DPH6: variants seen among roughly 807,000 people sequenced by gnomAD.
DPH6 encodes the protein diphthine--ammonia ligase.
In DPH6, 33 loss-of-function variants were observed where a neutral mutation model predicts 38.2. That is an observed-to-expected ratio of 0.86 (90% CI 0.65 to 1.15). The LOEUF is 1.15. Ranked by LOEUF, DPH6 falls within the 50% of genes most tolerant of loss-of-function variation. The pLI is 0.00. For missense variants in DPH6, 325 were observed against 320.0 expected (o/e 1.02, Z -0.12); for synonymous variants, 108 against 103.0 (o/e 1.05, Z -0.30).
At chr15:35,434,612 A>G (rs1444641742) in intron 5 of DPH6, among the ~76,000 whole-genome samples, 1 of 152,206 alleles carries the variant, frequency 6.6e-6, no homozygotes, top group Non-Finnish European at 1.5e-5. Context: ...ACACACACAT[A>G]GAAAAGTGAA....
At chr15:35,368,796 C>T (rs139529497), downstream of DPH6, among the ~76,000 whole-genome samples, 119 of 151,710 alleles carry the variant, frequency 7.8e-4, no homozygotes, top group African/African-American at 2.6e-3. Context: ...AAGTTTTGTA[C>T]ATAATGAGAA....
chr15:35,478,400 CACACAAAG>C (rs2054287885), intron 3 of DPH6, among the ~76,000 whole-genome samples: 1 of 147,412 alleles, frequency 6.8e-6, no homozygotes, highest in Admixed American at 6.8e-5. Context: ...CACACACACA[CACACAAAG>C]ATTGTAAAAA....
chr15:35,361,566 T>C lies in DPH6; in HGVS notation n.207+11955A>G, dbSNP rs554880217. 6.6e-5 allele frequency among the ~76,000 whole-genome samples: 10 copies of C among 152,040 alleles called. No homozygotes were observed. In the South Asian group the frequency reaches 1.9e-3, roughly 28 times the overall value. On this transcript the variant is annotated intron_variant and non_coding_transcript_variant, in intron 3 of 3. Transcript: ENST00000558973. ...TGTACTCTCATACTGTATAGATTGG[T>C]CTGCTTGATCATGTCCCATAAGTTC... is the stretch of plus-strand genomic sequence containing the variant.
intron 6 of DPH6, among the ~76,000 whole-genome samples, chr15:35,387,977 GT>G (rs1295034992): frequency 6.6e-6 from 1 of 151,980 alleles, no homozygotes; most frequent in Non-Finnish European, 1.5e-5. Context: ...TTGGCTGTGG[GT>G]TTGTCATAGA....
chr15:35,223,287 C>T (rs572019647), intron 3 of DPH6, among the ~76,000 whole-genome samples: 3 of 152,262 alleles, frequency 2.0e-5, no homozygotes, highest in South Asian at 4.2e-4. Context: ...AATCTACTCT[C>T]CTGATAGTGA....
At chr15:35,519,856 T>A (rs1010707246) in intron 3 of DPH6, 1 of 151,964 alleles carries the variant, frequency 6.6e-6, no homozygotes, top group South Asian at 2.1e-4. Flanking sequence ...GGGAAAGAAC[T>A]AAAATGTATG....
chr15:35,372,775 G>C (rs1246657861), intron 8 of DPH6, among the ~76,000 whole-genome samples: 1 of 151,800 alleles, frequency 6.6e-6, no homozygotes, highest in African/African-American at 2.4e-5. Flanking sequence ...TACTCCTTCA[G>C]ATTTCCTATG....
intron 3 of DPH6, among the ~76,000 whole-genome samples, chr15:35,462,166 C>A (rs990894291): frequency 6.6e-6 from 1 of 152,150 alleles, no homozygotes; most frequent in African/African-American, 2.4e-5. Context: ...ATCACCTCCA[C>A]TACTACCACT....
At chr15:35,418,989 C>G (rs1424661747) in intron 5 of DPH6, among the ~76,000 whole-genome samples, 2 of 151,796 alleles carry the variant, frequency 1.3e-5, no homozygotes, top group African/African-American at 4.8e-5. Context: ...AATTTCTAGT[C>G]TGTCTATAAT....
At chr15:35,536,598 T>C (rs2055173456) in intron 3 of DPH6, among the ~76,000 whole-genome samples, 1 of 152,058 alleles carries the variant, frequency 6.6e-6, no homozygotes, top group African/African-American at 2.4e-5. Context: ...AATTGTAATT[T>C]ATTATCTCTC....
intron 7 of DPH6, among the ~76,000 whole-genome samples, chr15:35,374,997 T>TA (rs2052761876): frequency 6.6e-6 from 1 of 152,110 alleles, no homozygotes; most frequent in Non-Finnish European, 1.5e-5. Context: ...ATCTTACTCT[T>TA]ACATTAAATG....
chr15:35,519,527 A>C (rs1459603145), intron 3 of DPH6: 2 of 152,032 alleles, frequency 1.3e-5, no homozygotes, highest in African/African-American at 4.8e-5. Context: ...AAGAAGAAGC[A>C]GCCAATAATT....
chr15:35,457,491 T>G (rs1441994661), intron 3 of DPH6, among the ~76,000 whole-genome samples: 1 of 151,868 alleles, frequency 6.6e-6, no homozygotes, highest in Non-Finnish European at 1.5e-5. Context: ...AGAGACAAGA[T>G]TTTGCCATGT....
intron 6 of DPH6, among the ~76,000 whole-genome samples, chr15:35,391,848 C>T (rs775622426): frequency 2.0e-5 from 3 of 152,224 alleles, no homozygotes; most frequent in Admixed American, 6.5e-5. Flanking sequence ...CACCCACTGT[C>T]CTGCACCCGC....
intron 3 of DPH6, among the ~76,000 whole-genome samples, chr15:35,347,457 CTTTT>C (rs767042543): frequency 2.1e-5 from 3 of 140,450 alleles, no homozygotes; most frequent in African/African-American, 7.8e-5. Flanking sequence ...CAGCCTCCTC[CTTTT>C]TTTTTTTTTT....
chr15:35,341,304 G>T (rs569173099), intron 3 of DPH6, among the ~76,000 whole-genome samples: 39 of 152,144 alleles, frequency 2.6e-4, no homozygotes, highest in African/African-American at 9.4e-4. Context: ...AGAAATGAAA[G>T]AATATTTCAT....
At position 35,363,353 on chromosome 15, in the gene DPH6, G is replaced by A. The variant is rs534977768; in HGVS notation, n.207+10168C>T. 3.0e-4 allele frequency among the ~76,000 whole-genome samples: 45 copies of A among 152,156 alleles called. No homozygotes were observed. The South Asian group carries it at 9.0e-3, about 30-fold the overall frequency. On this transcript the variant is annotated intron_variant and non_coding_transcript_variant, in intron 3 of 3. Transcript: ENST00000558973. ...AAATTAAGAATTGTTATATCTTCCT[G>A]AAGAATTGAGCATTTTAACATATTG...
At chr15:35,226,590 C>T (rs1391904925) in intron 3 of DPH6, among the ~76,000 whole-genome samples, 3 of 152,086 alleles carry the variant, frequency 2.0e-5, no homozygotes, top group Non-Finnish European at 4.4e-5. Context: ...TTTACAATAG[C>T]TACAAATAAA....
downstream of DPH6, among the ~76,000 whole-genome samples, chr15:35,366,627 T>C (rs1367149370): frequency 6.6e-6 from 1 of 151,996 alleles, no homozygotes; most frequent in African/African-American, 2.4e-5. Context: ...CTGGTGATTA[T>C]ATGCCATCTC....
Sources: gnomAD v4.1 joint callset for allele counts (sites outside exome capture counted in the v4.1 genomes callset) on GRCh38, gnomAD v4.1.1 for gene constraint, MANE v1.5 for transcripts, NCBI Gene and HGNC (gene_info 2026-07-23, HGNC 2026-07-21) for gene names.